Variants in NTRK2 observed in about 807,000 individuals in gnomAD.
NTRK2 encodes the protein neurotrophic receptor tyrosine kinase 2, also known as BDNF/NT-3 growth factors receptor.
Under a neutral mutation model 94.5 loss-of-function variants are expected in NTRK2, and 13 were observed. The observed-to-expected ratio is 0.14, with a 90% CI of 0.09 to 0.22. The LOEUF is 0.22. Among genes scored for constraint, NTRK2 ranks in the 10% least tolerant of loss-of-function variants. The pLI is 1.00. For missense variants in NTRK2, 639 were observed against 1,071.2 expected (o/e 0.60, Z 5.63); for synonymous variants, 372 against 407.4 (o/e 0.91, Z 1.05).
At chr9:84,797,620 C>CTATATATTATATATAATATATATAA (rs1554730803) in intron 12 of NTRK2, among the ~76,000 whole-genome samples, 903 of 63,218 alleles carry the variant, frequency 0.014, 38 homozygotes, top group Admixed American at 0.044. Context: ...AATATATATA[C>CTATATATTATATATAATATATATAA]TATATATTAT....
At chr9:84,941,645 T>C (rs1469528901) in intron 15 of NTRK2, among the ~76,000 whole-genome samples, 1 of 152,196 alleles carries the variant, frequency 6.6e-6, no homozygotes, top group East Asian at 1.9e-4. Context: ...AGCTCCTTTA[T>C]GTCTAGCAAA....
intron 2 of NTRK2, among the ~76,000 whole-genome samples, chr9:84,690,161 C>G (rs2059960563): frequency 6.6e-6 from 1 of 152,162 alleles, no homozygotes; most frequent in African/African-American, 2.4e-5. Context: ...TTTCCTTACT[C>G]CCATAGCCTA....
In NTRK2 at chr9:84,670,668, G is replaced by GGAA; in HGVS notation, c.-79_-77dup. ...GGAGTTAAGAGAGCCGCAAGCGCAG[G>GGAA]GAAGGCCTCCCCGCACGGGTGGGGG... On this transcript the variant is annotated 5_prime_UTR_variant, in exon 2 of 19. Transcript: ENST00000277120. 1 of 1,424,664 alleles carries GGAA rather than the reference G, an allele frequency of 7.0e-7. No homozygotes were observed. The highest frequency in any genetic ancestry group is 9.8e-7 in the Non-Finnish European group (1 of 1,019,082). The allele number at this position is 1,424,664 out of a possible 1,614,324, so 88.3% of individuals were successfully genotyped here.
In NTRK2 at chr9:85,020,233, C is replaced by T. The variant is rs1324578301; in HGVS notation, c.2200C>T (p.Arg734Cys). 1 of 1,614,136 alleles carries T rather than the reference C, an allele frequency of 6.2e-7. No homozygotes were observed. The highest frequency in any genetic ancestry group is 8.5e-7 in the Non-Finnish European group (1 of 1,180,008). ...CGGTGGCCACACAATGCTGCCCATT[C>T]GCTGGATGCCTCCAGAGAGCATCAT... is the stretch of plus-strand genomic sequence containing the variant. ...RVGGHTMLPI[R>C]WMPPESIMYR... is the part of the protein sequence containing the mutation. The change falls in exon 18 of 19, where the codon CGC becomes TGC. Residue 734 changes from arginine (R) to cysteine (C), a missense_variant. Physicochemically the swap from Arg to Cys is radical, Grantham distance 180. Coordinates refer to ENST00000277120, the MANE Select transcript of NTRK2 (RefSeq NM_006180.6).
At chr9:84,874,752 G>A in intron 14 of NTRK2, 1 of 1,060,626 alleles carries the variant, frequency 9.4e-7, no homozygotes. Flanking sequence ...GCCCGAGGAG[G>A]AGATGAATCC....
chr9:84,712,845 A>G (rs1022168628), intron 6 of NTRK2, among the ~76,000 whole-genome samples: 5 of 152,180 alleles, frequency 3.3e-5, no homozygotes, highest in Non-Finnish European at 7.3e-5. Flanking sequence ...TCATGATACA[A>G]TGTGTCTTAA....
At chr9:84,798,245 G>T (rs1175127700) in intron 12 of NTRK2, among the ~76,000 whole-genome samples, 1 of 151,854 alleles carries the variant, frequency 6.6e-6, no homozygotes, top group Non-Finnish European at 1.5e-5. Flanking sequence ...ATTCATGAGG[G>T]CTCCACCCTC....
chr9:84,720,887 T>TA (rs534900971), intron 6 of NTRK2, among the ~76,000 whole-genome samples: 2 of 152,172 alleles, frequency 1.3e-5, no homozygotes, highest in East Asian at 1.9e-4. Context: ...AAGGTTAATC[T>TA]AAAAAAACTC....
At chr9:84,984,342 G>T (rs1416187983) in intron 17 of NTRK2, among the ~76,000 whole-genome samples, 1 of 152,058 alleles carries the variant, frequency 6.6e-6, no homozygotes, top group Non-Finnish European at 1.5e-5. Flanking sequence ...GCATAGTGGT[G>T]CACGCCTGTA....
intron 17 of NTRK2, among the ~76,000 whole-genome samples, chr9:84,956,083 G>A (rs1225160613): frequency 6.6e-6 from 1 of 152,200 alleles, no homozygotes; most frequent in African/African-American, 2.4e-5. Flanking sequence ...GAGGTTAAAG[G>A]ATGCTGAGGT....
intron 17 of NTRK2, among the ~76,000 whole-genome samples, chr9:85,013,187 G>T (rs17418304): frequency 6.6e-6 from 1 of 152,096 alleles, no homozygotes; most frequent in Non-Finnish European, 1.5e-5. Flanking sequence ...GAATAGCTAC[G>T]TGCCTAGAAG....
chr9:84,786,110 C>T (rs1370322647), intron 12 of NTRK2, among the ~76,000 whole-genome samples: 1 of 152,168 alleles, frequency 6.6e-6, no homozygotes, highest in Non-Finnish European at 1.5e-5. Context: ...GCCTGCAGTC[C>T]CTTATGCTGA....
chr9:84,820,479 C>T (rs1209310461), intron 12 of NTRK2, among the ~76,000 whole-genome samples: 1 of 152,094 alleles, frequency 6.6e-6, no homozygotes, highest in Admixed American at 6.5e-5. Flanking sequence ...CAATAGCTTA[C>T]TTTTGACCAG....
intron 12 of NTRK2, among the ~76,000 whole-genome samples, chr9:84,827,977 A>G (rs1287760073): frequency 6.6e-6 from 1 of 152,204 alleles, no homozygotes; most frequent in Non-Finnish European, 1.5e-5. Context: ...TTAACTAAAC[A>G]GCTTATAGAT....
intron 15 of NTRK2, 33 bp downstream of exon 15, chr9:84,934,325 A>G (rs1400831075): frequency 2.5e-6 from 4 of 1,612,516 alleles, no homozygotes; most frequent in East Asian, 4.5e-5. Flanking sequence ...CTCATTAACC[A>G]TGATCACACT....
intron 6 of NTRK2, among the ~76,000 whole-genome samples, chr9:84,712,932 C>A (rs890932874): frequency 6.6e-6 from 1 of 152,180 alleles, no homozygotes; most frequent in Non-Finnish European, 1.5e-5. Flanking sequence ...TTTCAGCAAG[C>A]ATCCTTATTC....
intron 17 of NTRK2, among the ~76,000 whole-genome samples, chr9:85,004,055 G>GA (rs1564542269): frequency 2.9e-5 from 1 of 34,144 alleles, no homozygotes; most frequent in Non-Finnish European, 6.6e-5. Context: ...GGGAGAAAGA[G>GA]AAAGAAAGGA....
At chr9:84,841,895 C>T in intron 12 of NTRK2, among the ~76,000 whole-genome samples, 1 of 152,098 alleles carries the variant, frequency 6.6e-6, no homozygotes, top group East Asian at 1.9e-4. Flanking sequence ...AATGAACATC[C>T]CAGGTTGAAT....
At chr9:85,009,308 T>A (rs948878972) in intron 17 of NTRK2, among the ~76,000 whole-genome samples, 2 of 152,360 alleles carry the variant, frequency 1.3e-5, no homozygotes, top group East Asian at 1.9e-4. Context: ...GGGCTAGTGC[T>A]CCAGGCACAG....
Sources: gnomAD v4.1 joint callset for allele counts (sites outside exome capture counted in the v4.1 genomes callset) on GRCh38, gnomAD v4.1.1 for gene constraint, MANE v1.5 for transcripts, NCBI Gene and HGNC (gene_info 2026-07-23, HGNC 2026-07-21) for gene names.